Variants in UMAD1 observed in about 807,000 individuals in gnomAD.
UMAD1 encodes UBAP1-MVB12-associated (UMA)-domain containing protein 1.
Under a neutral mutation model 6.1 loss-of-function variants are expected in UMAD1, and 8 were observed. That is an observed-to-expected ratio of 1.30 (90% CI 0.76 to 2.35). The LOEUF (loss-of-function observed/expected upper bound fraction) is 2.35, where lower values mean the gene tolerates loss of function less well. UMAD1 is among the 30% of genes most tolerant of loss of function. The pLI is 0.00. For missense variants in UMAD1, 130 were observed against 78.4 expected, an observed-to-expected ratio of 1.66 and a Z score of -2.49; for synonymous variants, 56 against 31.4, an observed-to-expected ratio of 1.78 and a Z score of -2.61.
intron 3 of UMAD1, among the ~76,000 whole-genome samples, chr7:7,831,860 T>C (rs1783473113): frequency 6.6e-6 from 1 of 152,188 alleles, no homozygotes; most frequent in Admixed American, 6.5e-5. Context: ...AATGCAAATT[T>C]TCTTCTAAAT....
At chr7:7,801,800 T>G (rs1782805655) in intron 3 of UMAD1, 57 bp downstream of exon 3, 3 of 710,954 alleles carry the variant, frequency 4.2e-6, no homozygotes, top group African/African-American at 1.8e-5. Flanking sequence ...CTATGATTAC[T>G]TATGCCTCCG....
chr7:7,820,115 A>G (rs1437784711), intron 3 of UMAD1, among the ~76,000 whole-genome samples: 1 of 152,176 alleles, frequency 6.6e-6, no homozygotes, highest in Non-Finnish European at 1.5e-5. Context: ...AACCAAATGA[A>G]TCAGTTTTAA....
intron 3 of UMAD1, among the ~76,000 whole-genome samples, chr7:7,855,580 G>T (rs114981081): frequency 5.9e-5 from 9 of 151,802 alleles, no homozygotes; most frequent in Admixed American, 5.9e-4. Flanking sequence ...GCACACAGCA[G>T]GGGGGGCCCT....
At chr7:7,710,410 A>T (rs1331575910) in intron 2 of UMAD1, among the ~76,000 whole-genome samples, 3 of 152,250 alleles carry the variant, frequency 2.0e-5, no homozygotes, top group African/African-American at 7.2e-5. Context: ...TGGGCAAAAG[A>T]CATGAAGAGA....
intron 2 of UMAD1, chr7:7,741,923 C>T (rs992023453): frequency 4.0e-5 from 7 of 176,484 alleles, no homozygotes; most frequent in Non-Finnish European, 5.8e-5. Flanking sequence ...TTATTTTTAG[C>T]GTAATAAAAT....
intron 1 of UMAD1, among the ~76,000 whole-genome samples, chr7:7,651,033 A>C (rs1389302471): frequency 1.3e-5 from 2 of 152,222 alleles, no homozygotes; most frequent in East Asian, 3.8e-4. Context: ...ACCTTTGAGC[A>C]ACCCCTCTGT....
At chr7:7,719,235 A>AT (rs1416810491) in intron 2 of UMAD1, among the ~76,000 whole-genome samples, 2 of 152,236 alleles carry the variant, frequency 1.3e-5, no homozygotes, top group Admixed American at 6.5e-5. Context: ...CAAATGTGTG[A>AT]TTTTGAAATC....
chr7:7,674,086 C>T (rs1583719910), intron 2 of UMAD1, among the ~76,000 whole-genome samples: 1 of 152,170 alleles, frequency 6.6e-6, no homozygotes, highest in Non-Finnish European at 1.5e-5. Context: ...TATGCTCTTC[C>T]CAGAAATTCT....
At chr7:7,844,822 A>C (rs531539433) in intron 3 of UMAD1, among the ~76,000 whole-genome samples, 1 of 152,174 alleles carries the variant, frequency 6.6e-6, no homozygotes, top group Non-Finnish European at 1.5e-5. Flanking sequence ...ATAAAATATT[A>C]GGGACCCCTT....
intron 2 of UMAD1, among the ~76,000 whole-genome samples, chr7:7,799,767 G>C (rs1782761783): frequency 6.6e-6 from 1 of 152,142 alleles, no homozygotes; most frequent in African/African-American, 2.4e-5. Context: ...AGTGTAAATT[G>C]GAGGTTCTCT....
At chr7:7,831,453 TTCAATGAAAGAAG>T (rs1193025895) in intron 3 of UMAD1, among the ~76,000 whole-genome samples, 6 of 152,208 alleles carry the variant, frequency 3.9e-5, no homozygotes, top group Non-Finnish European at 5.9e-5. Context: ...CTGGGTACCT[TTCAATGAAAGAAG>T]TCAATGAAAG....
chr7:7,864,642 C>A (rs933194659), intron 3 of UMAD1, among the ~76,000 whole-genome samples: 1 of 120,234 alleles, frequency 8.3e-6, no homozygotes, highest in Non-Finnish European at 1.8e-5. Context: ...CACACACACA[C>A]ACACACACAG....
At chr7:7,721,816 C>A (rs1781054923) in intron 2 of UMAD1, among the ~76,000 whole-genome samples, 1 of 152,096 alleles carries the variant, frequency 6.6e-6, no homozygotes, top group Admixed American at 6.6e-5. Flanking sequence ...AAGTATTGAT[C>A]CTGGGTGTGT....
At chr7:7,829,281 A>G (rs944526363) in intron 3 of UMAD1, among the ~76,000 whole-genome samples, 13 of 151,948 alleles carry the variant, frequency 8.6e-5, no homozygotes, top group Non-Finnish European at 1.5e-4. Flanking sequence ...GCATACCTGC[A>G]CTGAACAGCT....
At chr7:7,747,580 C>T (rs1451406838) in intron 2 of UMAD1, among the ~76,000 whole-genome samples, 1 of 152,056 alleles carries the variant, frequency 6.6e-6, no homozygotes. Flanking sequence ...TATATTTTTT[C>T]CAAGAAATAA....
intron 2 of UMAD1, among the ~76,000 whole-genome samples, chr7:7,765,192 C>G (rs902304432): frequency 6.6e-6 from 1 of 152,100 alleles, no homozygotes; most frequent in Non-Finnish European, 1.5e-5. Flanking sequence ...TCACTCATAT[C>G]TTGCCTCTCA....
At chr7:7,871,567 T>C (rs189803817) in intron 3 of UMAD1, among the ~76,000 whole-genome samples, 1 of 152,336 alleles carries the variant, frequency 6.6e-6, no homozygotes, top group East Asian at 1.9e-4. Flanking sequence ...ACAGCTTAGA[T>C]ACAGCCTGAC....
Position 7,658,740 on chromosome 7 carries a change from G to A in UMAD1, c.-63-14569G>A, listed in dbSNP as rs529916243. Among the ~76,000 whole-genome samples the A allele has an allele frequency of 2.6e-5, 4 of 152,208 alleles. No individual in the cohort carries two copies. In the East Asian group the frequency reaches 7.7e-4, roughly 29 times the overall value. On this transcript the variant is annotated intron_variant, in intron 1 of 3. Coordinates refer to ENST00000682710, the MANE Select transcript of UMAD1 (RefSeq NM_001302348.2). ...GTATCTTATTGAGTATTTTTGCATCGATATTCATCAGGAATGTTGGCCTGA... is the reference window on the plus strand; with the variant it reads ...GTATCTTATTGAGTATTTTTGCATCAATATTCATCAGGAATGTTGGCCTGA...
At chr7:7,732,455 C>T (rs942872610) in intron 2 of UMAD1, among the ~76,000 whole-genome samples, 1 of 152,024 alleles carries the variant, frequency 6.6e-6, no homozygotes, top group Non-Finnish European at 1.5e-5. Flanking sequence ...TTAAAAATTT[C>T]CATGTTAACT....
Sources: allele counts gnomAD v4.1 joint callset (sites outside exome capture counted in the v4.1 genomes callset), GRCh38; gene constraint gnomAD v4.1.1; transcripts MANE v1.5; gene names NCBI Gene and HGNC (gene_info 2026-07-23, HGNC 2026-07-21).